Variants in MAT1A observed in about 807,000 individuals in gnomAD.
MAT1A encodes S-adenosylmethionine synthase isoform type-1.
MAT1A carries 19 observed loss-of-function variants against 44.0 expected under a neutral mutation model. The ratio of observed to expected loss-of-function variants is 0.43; its 90% CI spans 0.30 to 0.63. MAT1A has a LOEUF of 0.63. Among genes scored for constraint, MAT1A ranks in the 30% least tolerant of loss-of-function variants. MAT1A has a pLI of 0.12. For missense variants in MAT1A, 397 were observed against 531.0 expected (o/e 0.75, Z 2.48); for synonymous variants, 205 against 205.6 (o/e 1.00, Z 0.03).
At position 80,289,341 on chromosome 10, in the gene MAT1A, C is replaced by A; in HGVS notation, c.83G>T (p.Gly28Val). 6.2e-7 allele frequency: 1 copy of A among 1,614,090 alleles called. No homozygotes were observed. The highest frequency in any genetic ancestry group is 1.3e-5 in the African/African-American group (1 of 75,040). The change falls in exon 1 of 9, where the codon GGA (glycine) becomes GTA (valine). Residue 28 changes from glycine to valine, a missense_variant. Gly to Val is a moderately radical substitution (Grantham distance 109). Coordinates refer to ENST00000372213, the MANE Select transcript of MAT1A (RefSeq NM_000429.3). Reference sequence around the variant, plus strand: ...CAAGACAGCCTACTTACCCGGGTGTCCCTCTCCCACAGACTCCGATGTGAA... The same window carrying A: ...CAAGACAGCCTACTTACCCGGGTGTACCTCTCCCACAGACTCCGATGTGAA... ...FMFTSESVGE[G>V]HPDKICDQIS... is the part of the protein sequence containing the mutation.
intron 2 of MAT1A, among the ~76,000 whole-genome samples, chr10:80,284,868 C>A (rs1269563729): frequency 6.6e-6 from 1 of 152,198 alleles, no homozygotes; most frequent in Non-Finnish European, 1.5e-5. Context: ...GATCTTCAGC[C>A]TACATGAGTC....
chr10:80,275,417 T>A (rs17102596), intron 6 of MAT1A: 4 of 604,634 alleles, frequency 6.6e-6, no homozygotes, highest in South Asian at 5.7e-5. Context: ...CAAAGCTTCA[T>A]TAGCAAGTGC....
In MAT1A at chr10:80,273,713, C is replaced by A. The variant is rs980270209; in HGVS notation, c.*68G>T. The A allele has an allele frequency of 1.5e-5, 17 of 1,123,372 alleles. No homozygotes were observed. The South Asian group carries it at 2.1e-4, about 14-fold the overall frequency. 69.6% of individuals were successfully genotyped at this position (1,123,372 alleles called of 1,614,324 possible). A position where few individuals can be genotyped will look rare whatever the true frequency, so the allele number is the denominator to read the frequency against. ...GTGGGGAAGGCGATCAGCAGCCAGGCGTCTGGGGAAGAGGAGCATGGCCAC... is the reference window on the plus strand; with the variant it reads ...GTGGGGAAGGCGATCAGCAGCCAGGAGTCTGGGGAAGAGGAGCATGGCCAC... On this transcript the variant is annotated 3_prime_UTR_variant, in exon 9 of 9. Transcript: ENST00000372213.
In MAT1A at chr10:80,273,447, G is replaced by C. The variant is rs1841436855; in HGVS notation, c.*334C>G. On this transcript the variant is annotated 3_prime_UTR_variant, in exon 9 of 9. Transcript: ENST00000372213. Reference sequence around the variant, plus strand: ...CACCTGGCACAGGCAAGGGGAGGGAGGGGGAGCTGGTCAGGGTCCAGCTGT... The same window carrying C: ...CACCTGGCACAGGCAAGGGGAGGGACGGGGAGCTGGTCAGGGTCCAGCTGT... The C allele has an allele frequency of 2.8e-6, 1 of 352,736 alleles. No individual in the cohort carries two copies. The highest frequency in any genetic ancestry group is 5.5e-6 in the Non-Finnish European group (1 of 181,240). 21.9% of individuals were successfully genotyped at this position (352,736 alleles called of 1,614,324 possible).
intron 4 of MAT1A, 81 bp downstream of exon 4, chr10:80,280,599 C>T (rs1299127335): frequency 2.4e-6 from 3 of 1,242,826 alleles, no homozygotes; most frequent in Non-Finnish European, 3.6e-6. Flanking sequence ...CAAGAATCCA[C>T]CCCTCAGTGT....
chr10:80,289,282 G>T, intron 1 of MAT1A, 51 bp downstream of exon 1: 1 of 1,448,358 alleles, frequency 6.9e-7, no homozygotes, highest in Non-Finnish European at 9.7e-7. Flanking sequence ...GACTCCCTCA[G>T]TATAGGCTTG....
At chr10:80,286,545 C>T (rs996032851) in intron 1 of MAT1A, among the ~76,000 whole-genome samples, 24 of 152,268 alleles carry the variant, frequency 1.6e-4, no homozygotes, top group Middle Eastern at 3.4e-3. Context: ...TCTTCAATTA[C>T]TGTAGGACTG....
At chr10:80,274,431 T>C in intron 8 of MAT1A, 89 bp downstream of exon 8, 1 of 1,556,676 alleles carries the variant, frequency 6.4e-7, no homozygotes. Context: ...GGCAGAAACA[T>C]CCTCCTTTCT....
rs2994388 is a variant in MAT1A at position 80,274,506 on chromosome 10, G to T, written c.1085+14C>A. ...GAGCAAGGTCCTGTGTAATAGCAGC[G>T]CATGGCACTTTACCTGACAATGACG... is the stretch of plus-strand genomic sequence containing the variant. On this transcript the variant is annotated intron_variant, in intron 8 of 8. Coordinates refer to ENST00000372213, the MANE Select transcript of MAT1A (RefSeq NM_000429.3). 1 of 1,613,850 alleles carries T rather than the reference G, an allele frequency of 6.2e-7. No homozygotes were observed. Among genetic ancestry groups the T allele is most frequent in the East Asian group, 2.2e-5 (1 of 44,850 alleles).
intron 1 of MAT1A, among the ~76,000 whole-genome samples, chr10:80,289,031 G>A (rs1165468148): frequency 6.6e-6 from 1 of 152,168 alleles, no homozygotes; most frequent in Admixed American, 6.5e-5. Flanking sequence ...CTACAGGTAC[G>A]AAGTTACAGT....
intron 1 of MAT1A, among the ~76,000 whole-genome samples, chr10:80,286,769 C>A (rs1841656217): frequency 1.3e-5 from 2 of 152,202 alleles, no homozygotes; most frequent in Admixed American, 1.3e-4. Flanking sequence ...AAAATACCCA[C>A]AGTCTGCTCT....
chr10:80,288,833 T>C (rs1319443602), intron 1 of MAT1A, among the ~76,000 whole-genome samples: 1 of 152,244 alleles, frequency 6.6e-6, no homozygotes, highest in East Asian at 1.9e-4. Context: ...ATTTTGCATG[T>C]GTCATACTCT....
At chr10:80,281,528 TC>T (rs1564647263) in intron 3 of MAT1A, among the ~76,000 whole-genome samples, 2 of 151,142 alleles carry the variant, frequency 1.3e-5, no homozygotes, top group Admixed American at 6.6e-5. Context: ...CGTGCGCACC[TC>T]CTCACAGCTG....
intron 3 of MAT1A, among the ~76,000 whole-genome samples, chr10:80,281,754 T>G (rs1841570742): frequency 6.6e-6 from 1 of 152,236 alleles, no homozygotes. Context: ...GGGGATCTAC[T>G]GCCAAGGAAT....
At chr10:80,274,805 G>A in intron 7 of MAT1A, 152 bp from the exon 8 acceptor site, 1 of 1,269,816 alleles carries the variant, frequency 7.9e-7, no homozygotes. Flanking sequence ...TTCACCGAGG[G>A]CAGTTCTTCT....
At chr10:80,280,427 A>G (rs1345379085) in intron 4 of MAT1A, 111 bp from the exon 5 acceptor site, 15 of 1,369,370 alleles carry the variant, frequency 1.1e-5, no homozygotes, top group African/African-American at 1.4e-5. Flanking sequence ...TGCCTCCTCC[A>G]TGGAGCTTTC....
chr10:80,273,845 GCT>G lies in MAT1A; in HGVS notation c.1122_1123del (p.Ala375MetfsTer48). ...GCTTCTTCCGAAATGGCCGTAGCAT[GCT>G]GTCTTCTGGTAGATGGGCTTCTTCA... On this transcript the variant is annotated frameshift_variant, in exon 9 of 9. Transcript: ENST00000372213. LOFTEE classifies it high-confidence loss of function. 2.5e-6 allele frequency: 4 copies of G among 1,613,768 alleles called. No homozygotes were observed. Among genetic ancestry groups the G allele is most frequent in the Non-Finnish European group, 3.4e-6 (4 of 1,179,660 alleles).
chr10:80,282,582 C>T (rs1049752999), intron 3 of MAT1A, among the ~76,000 whole-genome samples: 11 of 152,172 alleles, frequency 7.2e-5, no homozygotes, highest in Admixed American at 5.2e-4. Context: ...TGTGGTAACG[C>T]CTCAGGAAGC....
intron 5 of MAT1A, 54 bp downstream of exon 5, chr10:80,280,119 T>G (rs1225882601): frequency 6.9e-6 from 11 of 1,591,588 alleles, no homozygotes; most frequent in Non-Finnish European, 8.6e-6. Flanking sequence ...CAAGAGGATT[T>G]GGGGGTATTA....
Sources: gnomAD v4.1 joint callset for allele counts (sites outside exome capture counted in the v4.1 genomes callset) on GRCh38, gnomAD v4.1.1 for gene constraint, MANE v1.5 for transcripts, NCBI Gene and HGNC (gene_info 2026-07-23, HGNC 2026-07-21) for gene names.